PFKFB3: variants seen among roughly 807,000 people sequenced by gnomAD.
The protein encoded by PFKFB3 is 6-phosphofructo-2-kinase/fructose-2,6-bisphosphatase 3.
PFKFB3 carries 33 observed loss-of-function variants against 68.0 expected under a neutral mutation model. The ratio of observed to expected loss-of-function variants is 0.49; its 90% CI spans 0.37 to 0.65. PFKFB3 has a LOEUF of 0.65. Ranked by LOEUF, PFKFB3 falls within the 30% of genes least tolerant of loss-of-function variation. The probability of loss-of-function intolerance (pLI) is 0.00; values close to 1 mark genes in which losing one functional copy is unlikely to be tolerated. For synonymous variants in PFKFB3, 315 were observed against 288.2 expected (o/e 1.09, Z -0.94); for missense variants, 586 against 712.2 (o/e 0.82, Z 2.02).
At chr10:6,199,969 T>A (rs1241994032), upstream of PFKFB3, among the ~76,000 whole-genome samples, 1 of 151,814 alleles carries the variant, frequency 6.6e-6, no homozygotes, top group East Asian at 1.9e-4. Context: ...GGTGGCCCTA[T>A]AATGAGTCTC....
At chr10:6,253,624 C>T (rs1029479893) in intron 14 of PFKFB3, among the ~76,000 whole-genome samples, 3 of 151,814 alleles carry the variant, frequency 2.0e-5, no homozygotes, top group Non-Finnish European at 4.4e-5. Context: ...TCTCCTGCCT[C>T]AGGTGCTGGT....
In PFKFB3 at chr10:6,212,185, C is replaced by T. The variant is rs75126343; in HGVS notation, c.77-1438C>T. 4.4e-3 allele frequency among the ~76,000 whole-genome samples: 672 copies of T among 152,354 alleles called. 4 individuals are homozygous for T. The highest frequency in any genetic ancestry group is 6.8e-3 in the Non-Finnish European group (463 of 68,030). On this transcript the variant is annotated intron_variant, in intron 1 of 14. Coordinates refer to ENST00000379775, the MANE Select transcript of PFKFB3 (RefSeq NM_004566.4). ...CGTGGCAGTGAGTGCTGGGCCGTGC[C>T]GCCCAGGCGGGAGCTGGCGGGTATC... is the stretch of plus-strand genomic sequence containing the variant.
intron 1 of PFKFB3, among the ~76,000 whole-genome samples, chr10:6,178,213 G>A (rs1355963373): frequency 1.3e-5 from 2 of 152,140 alleles, no homozygotes; most frequent in African/African-American, 4.8e-5. Flanking sequence ...CCAGTTTTGG[G>A]CCTGTCTGTG....
Position 6,221,447 on chromosome 10 carries a change from C to T in PFKFB3, c.898C>T (p.Gln300Ter), listed in dbSNP as rs2131984399. The T allele has an allele frequency of 2.5e-6, 4 of 1,613,908 alleles. No individual in the cohort carries two copies. The highest frequency in any genetic ancestry group is 3.4e-6 in the Non-Finnish European group (4 of 1,180,028). The change falls in exon 9 of 15, where the codon CAG (glutamine) becomes TAG (stop). Residue 300 changes from glutamine (Q) to a stop codon, truncating the protein, a stop_gained. Coordinates refer to ENST00000379775, the MANE Select transcript of PFKFB3 (RefSeq NM_004566.4). LOFTEE classifies it high-confidence loss of function. Reference sequence around the variant, plus strand: ...GAAGGACCTGCGCGTGTGGACCAGCCAGCTGAAGAGCACCATCCAGACGGC... The same window carrying T: ...GAAGGACCTGCGCGTGTGGACCAGCTAGCTGAAGAGCACCATCCAGACGGC... The part of the protein sequence containing the change: ...NLKDLRVWTS[Q>*]LKSTIQTAEA...
At chr10:6,161,643 G>T (rs141834453) in intron 1 of PFKFB3, among the ~76,000 whole-genome samples, 82,414 of 150,046 alleles carry the variant, frequency 0.55, 24,517 homozygotes, top group Non-Finnish European at 0.69. Context: ...TATATAGAGA[G>T]AGAGAGAGAG....
the PFKFB3 span, among the ~76,000 whole-genome samples, chr10:6,288,391 C>A: frequency 8.0e-6 from 1 of 124,812 alleles, no homozygotes. Context: ...GTGTGATGTT[C>A]CCCTTCCTGT....
intron 8 of PFKFB3, among the ~76,000 whole-genome samples, chr10:6,221,125 A>T: frequency 6.6e-6 from 1 of 151,116 alleles, no homozygotes; most frequent in Admixed American, 6.6e-5. Flanking sequence ...ATGTGTTTGT[A>T]TGTGTGTCTC....
intron 1 of PFKFB3, among the ~76,000 whole-genome samples, chr10:6,177,550 A>C (rs1353357215): frequency 8.5e-6 from 1 of 117,744 alleles, no homozygotes; most frequent in Non-Finnish European, 1.7e-5. Context: ...TTTGAGACGG[A>C]GTTTCACTCT....
At chr10:6,247,690 G>A (rs781299452) in intron 14 of PFKFB3, among the ~76,000 whole-genome samples, 10 of 152,116 alleles carry the variant, frequency 6.6e-5, no homozygotes, top group South Asian at 2.1e-4. Flanking sequence ...TTCCACTTCC[G>A]TGATGGAGTG....
chr10:6,283,199 A>G, the PFKFB3 span, among the ~76,000 whole-genome samples: 1 of 152,142 alleles, frequency 6.6e-6, no homozygotes, highest in Non-Finnish European at 1.5e-5. Context: ...AACTCCTGAC[A>G]TCAGGTGATC....
chr10:6,214,489 G>T (rs1350720391), intron 2 of PFKFB3, among the ~76,000 whole-genome samples: 2 of 152,010 alleles, frequency 1.3e-5, no homozygotes, highest in Admixed American at 6.5e-5. Context: ...ACTAGATGGG[G>T]AACATCTTGT....
the PFKFB3 span, among the ~76,000 whole-genome samples, chr10:6,259,684 C>T: frequency 3.9e-5 from 6 of 152,178 alleles, no homozygotes; most frequent in Admixed American, 6.5e-5. Flanking sequence ...TATTGAGTGA[C>T]TCTCATGTAC....
intron 14 of PFKFB3, among the ~76,000 whole-genome samples, chr10:6,251,365 C>G (rs985620354): frequency 6.6e-6 from 1 of 152,222 alleles, no homozygotes; most frequent in Non-Finnish European, 1.5e-5. Flanking sequence ...AGTCCTTGCT[C>G]TCTTGAGTTT....
intron 1 of PFKFB3, among the ~76,000 whole-genome samples, chr10:6,180,841 T>C (rs942893638): frequency 1.3e-5 from 2 of 152,204 alleles, no homozygotes; most frequent in African/African-American, 4.8e-5. Flanking sequence ...CAAACTAAGA[T>C]GTTCTACTCT....
chr10:6,296,411 C>T, the PFKFB3 span, among the ~76,000 whole-genome samples: 1 of 152,102 alleles, frequency 6.6e-6, no homozygotes, highest in South Asian at 2.1e-4. Context: ...TCTTGGATCT[C>T]ACTCAAGAAA....
In PFKFB3 at chr10:6,226,337, C is replaced by T. The variant is rs746279454; in HGVS notation, c.1487C>T (p.Pro496Leu). The T allele has an allele frequency of 8.1e-6, 13 of 1,613,326 alleles. No individual in the cohort carries two copies. Among genetic ancestry groups the T allele is most frequent in the East Asian group, 6.7e-5 (3 of 44,890 alleles). ...GCCGCCCTGCCCAGCTGCCTGCCCCCGGAGGTGCCCACGCAGCTGCCTGGA... is the reference window on the plus strand; with the variant it reads ...GCCGCCCTGCCCAGCTGCCTGCCCCTGGAGGTGCCCACGCAGCTGCCTGGA... ...TSAALPSCLP[P>L]EVPTQLPGQN... Residue 496 changes from proline (P) to leucine (L), a missense_variant, in exon 14 of 15, where the codon CCG (proline) becomes CTG (leucine). Coordinates refer to ENST00000379775, the MANE Select transcript of PFKFB3 (RefSeq NM_004566.4).
intron 1 of PFKFB3, among the ~76,000 whole-genome samples, chr10:6,188,072 C>CGT (rs1307682740): frequency 6.8e-4 from 102 of 150,510 alleles, no homozygotes; most frequent in African/African-American, 1.7e-3. Context: ...TATGTGTGTA[C>CGT]GTGTGCGTGT....
chr10:6,215,452 T>G lies in PFKFB3; in HGVS notation c.299+135T>G. 2 of 700,318 alleles carry G rather than the reference T, an allele frequency of 2.9e-6. No individual in the cohort carries two copies. The allele number at this position is 700,318 out of a possible 1,614,324, so 43.4% of individuals were successfully genotyped here. On this transcript the variant is annotated intron_variant, in intron 3 of 14. Transcript: ENST00000379775. The surrounding 1 kb of genome is among the most constrained non-coding windows in gnomAD (Gnocchi z 4.3). ...TGGGAATAAGGCTGGGCTGCGGGGCTGCGGGTGTAAGGCTGGGCTGCGGGC... is the reference window on the plus strand; with the variant it reads ...TGGGAATAAGGCTGGGCTGCGGGGCGGCGGGTGTAAGGCTGGGCTGCGGGC...
At chr10:6,236,952 C>T (rs142565029), downstream of PFKFB3, among the ~76,000 whole-genome samples, 1,621 of 152,220 alleles carry the variant, frequency 0.011, 13 homozygotes, top group Non-Finnish European at 0.016. Context: ...GAGGGGTGGA[C>T]GTTGTACACA....
Sources: gnomAD v4.1 joint callset for allele counts (sites outside exome capture counted in the v4.1 genomes callset) on GRCh38, gnomAD v4.1.1 for gene constraint, Gnocchi (gnomAD v3.1) non-coding constraint, MANE v1.5 for transcripts, NCBI Gene and HGNC (gene_info 2026-07-23, HGNC 2026-07-21) for gene names.